MYO9A: variants seen among roughly 807,000 people sequenced by gnomAD.
MYO9A encodes unconventional myosin-IXa.
Under a neutral mutation model 293.3 loss-of-function variants are expected in MYO9A, and 103 were observed. That is an observed-to-expected ratio of 0.35 (90% CI 0.30 to 0.41). MYO9A has a LOEUF of 0.41. MYO9A is among the 10% of genes least tolerant of loss of function. MYO9A has a pLI of 1.00. For missense variants in MYO9A, 2,685 were observed against 3,033.0 expected, an observed-to-expected ratio of 0.89 and a Z score of 2.69; for synonymous variants, 1,001 against 1,035.7, an observed-to-expected ratio of 0.97 and a Z score of 0.64.
Position 71,898,231 on chromosome 15 carries a change from G to A in MYO9A, c.4272C>T (p.Pro1424=). 6.2e-7 allele frequency: 1 copy of A among 1,614,012 alleles called. No individual in the cohort carries two copies. The highest frequency in any genetic ancestry group is 8.5e-7 in the Non-Finnish European group (1 of 1,180,002). ...SNSLPTFFYI[P]QQDPLKTNSQ... is the part of the protein sequence containing the mutation. ...AATTTGTTTTCAGTGGGTCTTGTTG[G>A]GGGATATAAAAAAAAGTAGGTAGAC... is the stretch of plus-strand genomic sequence containing the variant. Residue 1424 remains proline (P), a synonymous_variant, in exon 25 of 42, where the codon CCC becomes CCT. Transcript: ENST00000356056.
intron 1 of MYO9A, among the ~76,000 whole-genome samples, chr15:72,107,443 A>G (rs2080610187): frequency 6.6e-6 from 1 of 152,034 alleles, no homozygotes; most frequent in Non-Finnish European, 1.5e-5. Context: ...CAGCTACTCC[A>G]GAGGCTGAGG....
rs28654861 is a variant in MYO9A at position 72,106,405 on chromosome 15, T to C, written c.-72+11275A>G. Among the ~76,000 whole-genome samples, 857 of 152,322 alleles carry C rather than the reference T, an allele frequency of 5.6e-3. 12 individuals carry two copies. Among genetic ancestry groups the C allele is most frequent in the African/African-American group, 0.02 (811 of 41,576 alleles). The stretch of plus-strand genomic sequence containing the variant: ...TACTCAGAAGGCTAAGGCAGAAGGA[T>C]GGCTTGAACCCAAGAGTTCAAGGCT... On this transcript the variant is annotated intron_variant, in intron 1 of 41. Transcript: ENST00000356056.
intron 2 of MYO9A, among the ~76,000 whole-genome samples, 186 bp from the exon 3 acceptor site, chr15:72,032,774 TAAC>T (rs1182791870): frequency 6.6e-6 from 1 of 152,130 alleles, no homozygotes. Context: ...AAAAAGCAAT[TAAC>T]AACTGAAAGA....
intron 30 of MYO9A, among the ~76,000 whole-genome samples, chr15:71,878,583 C>A (rs1480532659): frequency 6.6e-6 from 1 of 152,018 alleles, no homozygotes; most frequent in African/African-American, 2.4e-5. Context: ...TTAGATGGTT[C>A]TACTCTAAAA....
chr15:71,978,406 A>G lies in MYO9A; in HGVS notation c.1723-114T>C, dbSNP rs929259263. 9 of 742,942 alleles carry G rather than the reference A, an allele frequency of 1.2e-5. No homozygotes were observed. The Admixed American group carries it at 2.0e-4, about 17-fold the overall frequency. 46.0% of individuals were successfully genotyped at this position (742,942 alleles called of 1,614,324 possible). On this transcript the variant is annotated intron_variant, in intron 11 of 41. Coordinates refer to ENST00000356056, the MANE Select transcript of MYO9A (RefSeq NM_006901.4). ...AAATTCTAAGATTTTAAAAATCACC[A>G]ATCCACACAATGAAAGAATGTATAA... is the stretch of plus-strand genomic sequence containing the variant.
At chr15:72,014,905 G>A (rs1441868310) in intron 6 of MYO9A, among the ~76,000 whole-genome samples, 1 of 152,028 alleles carries the variant, frequency 6.6e-6, no homozygotes, top group African/African-American at 2.4e-5. Flanking sequence ...GTGCACTGGT[G>A]CAATCTTGGC....
At position 72,035,152 on chromosome 15, in the gene MYO9A, TAC is replaced by T. The variant is rs544766767; in HGVS notation, c.841-2566_841-2565del. Among the ~76,000 whole-genome samples the T allele has an allele frequency of 6.8e-4, 103 of 152,298 alleles. 1 individual carries two copies. The highest frequency in any genetic ancestry group is 1.4e-3 in the Non-Finnish European group (92 of 68,026). ...GGATGCAGAGGAACTAGAACACTCA[TAC>T]AGTGCTGGTGGAAATGCAAAATGGT... is the stretch of plus-strand genomic sequence containing the variant. On this transcript the variant is annotated intron_variant, in intron 2 of 41. Transcript: ENST00000356056.
chr15:71,979,771 T>C (rs1371410008), intron 11 of MYO9A, among the ~76,000 whole-genome samples: 1 of 152,224 alleles, frequency 6.6e-6, no homozygotes, highest in East Asian at 1.9e-4. Context: ...TACAAAGCAT[T>C]AGTTCTAAAA....
rs75545407 is a variant in MYO9A, at chr15:71,825,233, G to A, written c.*1347C>T. ...AAGACCACCCAGTGGTGAAAATGAT[G>A]TCTTACTAATTCCCTCAACCCAGGG... is the stretch of plus-strand genomic sequence containing the variant. On this transcript the variant is annotated 3_prime_UTR_variant, in exon 42 of 42. Coordinates refer to ENST00000356056, the MANE Select transcript of MYO9A (RefSeq NM_006901.4). 2.2e-4 allele frequency: 34 copies of A among 152,268 alleles called. 1 individual carries two copies. In the East Asian group the frequency reaches 6.2e-3, roughly 28 times the overall value. 9.4% of individuals were successfully genotyped at this position (152,268 alleles called of 1,614,324 possible).
At position 71,888,082 on chromosome 15, in the gene MYO9A, G is replaced by A. The variant is rs778443243; in HGVS notation, c.5177C>T (p.Ala1726Val). ...SQRFSSVDEQ[A>V]KLHKTMSQGE... ...TTGAGACATAGTCTTATGAAGTTTT[G>A]CTTGTTCATCAACTGACGAAAATCG... Residue 1726 changes from alanine to valine, a missense_variant, in exon 27 of 42, where the codon GCA (alanine) becomes GTA (valine). This residue lies in a region of MYO9A where 1,434 missense variants were observed against 1,497.7 expected (regional missense o/e 0.96). Coordinates refer to ENST00000356056, the MANE Select transcript of MYO9A (RefSeq NM_006901.4). The A allele has an allele frequency of 5.0e-6, 8 of 1,609,546 alleles. No individual in the cohort carries two copies. Among genetic ancestry groups the A allele is most frequent in the African/African-American group, 4.0e-5 (3 of 74,674 alleles).
chr15:72,117,927 G>C lies in MYO9A; in HGVS notation c.-319C>G, dbSNP rs1596632507. 18 of 400,170 alleles carry C rather than the reference G, an allele frequency of 4.5e-5. No individual in the cohort carries two copies. The East Asian group carries it at 6.4e-4, about 14-fold the overall frequency. The allele number at this position is 400,170 out of a possible 1,614,324, so 24.8% of individuals were successfully genotyped here. On this transcript the variant is annotated 5_prime_UTR_variant, in exon 1 of 42. Coordinates refer to ENST00000356056, the MANE Select transcript of MYO9A (RefSeq NM_006901.4). ...TCCCCCGCCGCACCCCGCCCAGAGA[G>C]CACGCGTTGGACCGCCGCCTCAACC...
At chr15:71,962,396 A>G (rs1001738583) in intron 13 of MYO9A, among the ~76,000 whole-genome samples, 1 of 152,134 alleles carries the variant, frequency 6.6e-6, no homozygotes, top group Non-Finnish European at 1.5e-5. Flanking sequence ...TCCTTTCCTA[A>G]TTCTTCTTTA....
chr15:72,023,215 T>C (rs1176554895), intron 4 of MYO9A, among the ~76,000 whole-genome samples: 2 of 152,120 alleles, frequency 1.3e-5, no homozygotes, highest in Non-Finnish European at 2.9e-5. Context: ...ACCAGTGAAC[T>C]TGAAGAAAAA....
At position 71,916,379 on chromosome 15, in the gene MYO9A, G is replaced by A; in HGVS notation, c.2676C>T (p.Ala892=). The change falls in exon 19 of 42, where the codon GCC becomes GCT. Residue 892 remains alanine, a synonymous_variant. Transcript: ENST00000356056. ...CGAAACAAGAAATAACCTGAAACTG[G>A]GCACTGATGCTGGGAGGTTTTTTCT... ...HKKKKPPSIS[A]QFQASLSKLM... is the part of the protein sequence containing the mutation. 1 of 1,610,432 alleles carries A rather than the reference G, an allele frequency of 6.2e-7. No individual in the cohort carries two copies. Among genetic ancestry groups the A allele is most frequent in the Non-Finnish European group, 8.5e-7 (1 of 1,179,066 alleles).
At chr15:72,097,500 CAA>C (rs1420557066) in intron 1 of MYO9A, among the ~76,000 whole-genome samples, 1 of 118,592 alleles carries the variant, frequency 8.4e-6, no homozygotes, top group African/African-American at 2.6e-5. Flanking sequence ...AATGGGAAAA[CAA>C]AAGTTTCATG....
intron 19 of MYO9A, among the ~76,000 whole-genome samples, chr15:71,913,416 C>T (rs961914937): frequency 2.6e-5 from 4 of 152,096 alleles, no homozygotes; most frequent in African/African-American, 4.8e-5. Context: ...CCTGAGAAAG[C>T]GTCCAGAGAC....
intron 18 of MYO9A, among the ~76,000 whole-genome samples, chr15:71,919,756 C>T (rs1165277794): frequency 1.4e-5 from 2 of 144,322 alleles, no homozygotes; most frequent in African/African-American, 2.6e-5. Flanking sequence ...GCAGAAGAAT[C>T]GCTTGAACCC....
chr15:71,982,086 C>CTA (rs1290204084), intron 11 of MYO9A, among the ~76,000 whole-genome samples: 2 of 124,020 alleles, frequency 1.6e-5, no homozygotes, highest in Non-Finnish European at 3.2e-5. Context: ...GTGGCCCAAT[C>CTA]TCAGCTCACT....
chr15:72,019,298 C>G (rs1392808397), intron 5 of MYO9A, among the ~76,000 whole-genome samples: 1 of 152,128 alleles, frequency 6.6e-6, no homozygotes, highest in Non-Finnish European at 1.5e-5. Flanking sequence ...ATACCATGGG[C>G]TCCAGTGACT....
Sources: allele counts gnomAD v4.1 joint callset (sites outside exome capture counted in the v4.1 genomes callset), GRCh38; gene constraint gnomAD v4.1.1; regional missense constraint gnomAD v4.1.1; transcripts MANE v1.5; gene names NCBI Gene and HGNC (gene_info 2026-07-23, HGNC 2026-07-21).